Variants in AGBL1 observed in about 807,000 individuals in gnomAD.
The protein encoded by AGBL1 is cytosolic carboxypeptidase 4.
A neutral mutation model predicts 118.9 loss-of-function variants in AGBL1; 130 were observed. The ratio of observed to expected loss-of-function variants is 1.09; its 90% CI spans 0.95 to 1.26. The LOEUF (loss-of-function observed/expected upper bound fraction) is 1.26. AGBL1 is among the 50% of genes most tolerant of loss of function. The pLI is 0.00. For missense variants in AGBL1, 1,584 were observed against 1,298.1 expected (o/e 1.22, Z -3.38); for synonymous variants, 555 against 478.9 (o/e 1.16, Z -2.08).
At chr15:86,635,262 C>CCCT (rs1177858508) in intron 21 of AGBL1, among the ~76,000 whole-genome samples, 1 of 73,188 alleles carries the variant, frequency 1.4e-5, no homozygotes, top group Non-Finnish European at 2.6e-5. Flanking sequence ...CTCCCCCTCC[C>CCCT]CCTCCTCCTC....
intron 10 of AGBL1, among the ~76,000 whole-genome samples, chr15:86,263,261 G>T (rs571130342): frequency 6.6e-6 from 1 of 152,118 alleles, no homozygotes; most frequent in African/African-American, 2.4e-5. Flanking sequence ...AAATCCCATT[G>T]TATTACTATT....
chr15:86,925,403 G>A (rs570482997), intron 23 of AGBL1, among the ~76,000 whole-genome samples: 8 of 152,224 alleles, frequency 5.3e-5, no homozygotes, highest in Admixed American at 5.2e-4. Flanking sequence ...GACATGGTGT[G>A]TAATTATAGG....
chr15:86,080,921 T>C (rs1044355044), intron 1 of AGBL1, among the ~76,000 whole-genome samples: 14 of 149,638 alleles, frequency 9.4e-5, no homozygotes, highest in Non-Finnish European at 4.4e-5. Context: ...GGTCACAAGA[T>C]GATGGGCTTG....
intron 3 of AGBL1, among the ~76,000 whole-genome samples, chr15:86,149,621 C>T (rs574772795): frequency 6.6e-5 from 10 of 152,194 alleles, no homozygotes; most frequent in Non-Finnish European, 1.3e-4. Context: ...CACCCAGATT[C>T]ATAAAGCAAG....
At chr15:86,433,138 A>G (rs1214037016) in intron 18 of AGBL1, among the ~76,000 whole-genome samples, 3 of 152,164 alleles carry the variant, frequency 2.0e-5, no homozygotes, top group African/African-American at 4.8e-5. Context: ...GAGGACTGAG[A>G]AGAAGCCACT....
intron 23 of AGBL1, among the ~76,000 whole-genome samples, chr15:86,963,474 G>A (rs1041501613): frequency 6.6e-6 from 1 of 151,790 alleles, no homozygotes. Flanking sequence ...CCAATCAAAG[G>A]GAACATCATC....
intron 5 of AGBL1, among the ~76,000 whole-genome samples, chr15:86,187,199 G>A (rs2077646242): frequency 6.6e-6 from 1 of 152,166 alleles, no homozygotes; most frequent in African/African-American, 2.4e-5. Flanking sequence ...AAAAGGATAT[G>A]GGAGAAGGAA....
chr15:86,414,295 C>A (rs2081660435), intron 18 of AGBL1, among the ~76,000 whole-genome samples: 1 of 152,208 alleles, frequency 6.6e-6, no homozygotes, highest in South Asian at 2.1e-4. Context: ...ATTCATGTAA[C>A]CAAATTGCAC....
intron 23 of AGBL1, among the ~76,000 whole-genome samples, chr15:86,983,907 T>C (rs1043904433): frequency 6.6e-6 from 1 of 152,248 alleles, no homozygotes; most frequent in Non-Finnish European, 1.5e-5. Flanking sequence ...TATTCCACTG[T>C]ATGCAACGGT....
At chr15:86,408,684 G>A (rs958353033) in intron 18 of AGBL1, among the ~76,000 whole-genome samples, 3 of 152,194 alleles carry the variant, frequency 2.0e-5, no homozygotes, top group African/African-American at 7.2e-5. Flanking sequence ...GAGGTTGAGT[G>A]TTTGGATGAA....
At chr15:86,845,432 G>C (rs2079304703) in intron 22 of AGBL1, among the ~76,000 whole-genome samples, 1 of 151,978 alleles carries the variant, frequency 6.6e-6, no homozygotes, top group African/African-American at 2.4e-5. Context: ...AACCAACCTT[G>C]CATTCTTAGG....
chr15:86,960,629 C>G (rs547746904), intron 23 of AGBL1, among the ~76,000 whole-genome samples: 2 of 151,810 alleles, frequency 1.3e-5, no homozygotes, highest in South Asian at 2.1e-4. Flanking sequence ...ATATCCCCCC[C>G]AAAAAGAAAG....
intron 22 of AGBL1, among the ~76,000 whole-genome samples, chr15:86,747,586 G>A (rs56654055): frequency 0.14 from 20,941 of 151,910 alleles, 1,596 homozygotes; most frequent in East Asian, 0.25. Context: ...CCATTAACTC[G>A]TCATTTACAT....
chr15:87,028,754 A>C lies in AGBL1; in HGVS notation c.3324-71A>C, dbSNP rs1256266795. 23 of 1,487,766 alleles carry C rather than the reference A, an allele frequency of 1.5e-5. 1 individual carries two copies. In the East Asian group the frequency reaches 4.6e-4, roughly 30 times the overall value. 92.2% of individuals were successfully genotyped at this position (1,487,766 alleles called of 1,614,324 possible). ...GTATCTCTAAAAGGTCAATTTGCCA[A>C]ACTTGTGGCACAAACCAGAAGTTAC... On this transcript the variant is annotated intron_variant, in intron 24 of 24. Transcript: ENST00000441037.
intron 21 of AGBL1, among the ~76,000 whole-genome samples, chr15:86,566,406 T>G (rs1596272754): frequency 6.6e-6 from 1 of 152,208 alleles, no homozygotes; most frequent in Non-Finnish European, 1.5e-5. Context: ...TTCTTGCTGG[T>G]CTTTATTTCA....
At chr15:86,452,238 G>A (rs2142071351) in intron 18 of AGBL1, among the ~76,000 whole-genome samples, 1 of 152,302 alleles carries the variant, frequency 6.6e-6, no homozygotes, top group South Asian at 2.1e-4. Flanking sequence ...TCTCCAGGCA[G>A]GCCAAGTGGC....
At chr15:86,739,129 GA>G (rs1351867377) in intron 22 of AGBL1, among the ~76,000 whole-genome samples, 1 of 152,032 alleles carries the variant, frequency 6.6e-6, no homozygotes, top group Non-Finnish European at 1.5e-5. Context: ...CTGGGTGACA[GA>G]AGCAAGACCC....
chr15:86,325,651 A>G (rs533887866), intron 17 of AGBL1, among the ~76,000 whole-genome samples: 4 of 152,198 alleles, frequency 2.6e-5, no homozygotes, highest in African/African-American at 9.6e-5. Flanking sequence ...ATCTGCCGGC[A>G]CAGCCATCTT....
chr15:86,200,302 T>A (rs887285830), intron 5 of AGBL1, among the ~76,000 whole-genome samples: 15 of 152,138 alleles, frequency 9.9e-5, no homozygotes, highest in African/African-American at 1.4e-4. Flanking sequence ...AGACTTAAAA[T>A]TTTTTTAGTG....
Sources: gnomAD v4.1 joint callset for allele counts (sites outside exome capture counted in the v4.1 genomes callset) on GRCh38, gnomAD v4.1.1 for gene constraint, MANE v1.5 for transcripts, NCBI Gene and HGNC (gene_info 2026-07-23, HGNC 2026-07-21) for gene names.